ZBTB20: variants seen among roughly 807,000 people sequenced by gnomAD.
ZBTB20 encodes zinc finger and BTB domain containing 20.
A neutral mutation model predicts 56.9 loss-of-function variants in ZBTB20; 9 were observed. The ratio of observed to expected loss-of-function variants is 0.16; its 90% CI spans 0.10 to 0.28. The LOEUF is 0.28. Among genes scored for constraint, ZBTB20 ranks in the 10% least tolerant of loss-of-function variants. The pLI is 1.00. For missense variants in ZBTB20, 655 were observed against 1,003.0 expected, an observed-to-expected ratio of 0.65 and a Z score of 4.69; for synonymous variants, 417 against 420.7, an observed-to-expected ratio of 0.99 and a Z score of 0.11.
intron 2 of ZBTB20, among the ~76,000 whole-genome samples, chr3:115,032,343 G>A (rs1025871338): frequency 6.6e-6 from 1 of 151,326 alleles, no homozygotes; most frequent in Non-Finnish European, 1.5e-5. Context: ...CCTGAGTAAT[G>A]AGGAAAGAGA....
intron 2 of ZBTB20, among the ~76,000 whole-genome samples, chr3:115,069,931 C>T (rs1223907983): frequency 2.0e-5 from 3 of 151,600 alleles, no homozygotes; most frequent in Admixed American, 6.6e-5. Context: ...CAGAAAGAAA[C>T]TGAATAAATT....
chr3:114,338,897 T>C lies in ZBTB20; in HGVS notation c.*108A>G. On this transcript the variant is annotated 3_prime_UTR_variant, in exon 12 of 12. Coordinates refer to ENST00000675478, the MANE Select transcript of ZBTB20 (RefSeq NM_001348800.3). ...ACGAAACAAAAACAAAAACAGAAAG[T>C]AAAAATGAAACCAAAACATTTCTTA... 1.5e-6 allele frequency: 2 copies of C among 1,337,882 alleles called. No individual in the cohort carries two copies. The highest frequency in any genetic ancestry group is 1.0e-6 in the Non-Finnish European group (1 of 1,001,208). The allele number at this position is 1,337,882 out of a possible 1,614,324, so 82.9% of individuals were successfully genotyped here.
intron 11 of ZBTB20, among the ~76,000 whole-genome samples, chr3:114,341,724 C>G (rs992327470): frequency 5.3e-5 from 8 of 151,930 alleles, no homozygotes; most frequent in African/African-American, 1.9e-4. Context: ...TCCATGTGAC[C>G]CTGGGCTTTT....
At chr3:114,454,091 AGAGAGAGG>A (rs2091823648) in intron 7 of ZBTB20, among the ~76,000 whole-genome samples, 1 of 150,622 alleles carries the variant, frequency 6.6e-6, no homozygotes, top group Admixed American at 6.6e-5. Context: ...GAAAAAAAGA[AGAGAGAGG>A]GAGAGGGAGA....
At chr3:114,997,253 A>G (rs2079065318) in intron 2 of ZBTB20, among the ~76,000 whole-genome samples, 1 of 151,972 alleles carries the variant, frequency 6.6e-6, no homozygotes, top group East Asian at 2.0e-4. Flanking sequence ...AAGAGCATGG[A>G]TCTCCAGGAA....
intron 1 of ZBTB20, among the ~76,000 whole-genome samples, chr3:115,091,123 GA>G (rs2083178165): frequency 6.6e-6 from 1 of 151,334 alleles, no homozygotes; most frequent in African/African-American, 2.4e-5. Context: ...ACAAAAAAGT[GA>G]AAAACAAATA....
chr3:114,694,472 T>G (rs1362898783), intron 5 of ZBTB20, among the ~76,000 whole-genome samples: 1 of 152,034 alleles, frequency 6.6e-6, no homozygotes, highest in Non-Finnish European at 1.5e-5. Flanking sequence ...CATGATTACT[T>G]TAAGCCAAAA....
chr3:115,053,252 C>T (rs2081621201), intron 2 of ZBTB20, among the ~76,000 whole-genome samples: 1 of 152,198 alleles, frequency 6.6e-6, no homozygotes, highest in Admixed American at 6.5e-5. Flanking sequence ...CCCTATAAAT[C>T]CAACAGAGCT....
intron 11 of ZBTB20, among the ~76,000 whole-genome samples, chr3:114,345,498 C>A (rs937766986): frequency 4.6e-5 from 7 of 152,112 alleles, no homozygotes; most frequent in Non-Finnish European, 8.8e-5. Flanking sequence ...AAGCTTTGAT[C>A]CATAATTTTG....
chr3:115,131,017 T>C (rs2084489850), intron 1 of ZBTB20, among the ~76,000 whole-genome samples: 1 of 152,186 alleles, frequency 6.6e-6, no homozygotes, highest in Non-Finnish European at 1.5e-5. Flanking sequence ...TGCCTCGGCC[T>C]CCCAAAGTTC....
chr3:114,716,398 A>G (rs1412581022), intron 5 of ZBTB20, among the ~76,000 whole-genome samples: 1 of 152,148 alleles, frequency 6.6e-6, no homozygotes, highest in Non-Finnish European at 1.5e-5. Context: ...ACACTATCAT[A>G]TTTCTTCTTG....
intron 5 of ZBTB20, among the ~76,000 whole-genome samples, chr3:114,735,810 A>G (rs1443031660): frequency 1.3e-5 from 2 of 152,260 alleles, no homozygotes; most frequent in South Asian, 2.1e-4. Context: ...TTTTCTTAAT[A>G]TTAACCAACA....
Position 114,688,389 on chromosome 3 carries a change from T to TG in ZBTB20, c.-295+5138dup, listed in dbSNP as rs1491449655. ...TATCCTCTGAATCTAAAATAAAAGT[T>TG]GAAAAAAAAAAAAAAGAAATTTGTA... On this transcript the variant is annotated intron_variant, in intron 6 of 11. Coordinates refer to ENST00000675478, the MANE Select transcript of ZBTB20 (RefSeq NM_001348800.3). 4 of 80,200 alleles carry TG rather than the reference T, an allele frequency of 5.0e-5. No homozygotes were observed. The East Asian group carries it at 2.1e-3, about 42-fold the overall frequency. The allele number at this position is 80,200 out of a possible 1,614,324, so 5.0% of individuals were successfully genotyped here. A position where few individuals can be genotyped will look rare whatever the true frequency, so the allele number is the denominator to read the frequency against.
At chr3:115,092,845 C>T (rs1319663130) in intron 1 of ZBTB20, among the ~76,000 whole-genome samples, 1 of 152,068 alleles carries the variant, frequency 6.6e-6, no homozygotes, top group Non-Finnish European at 1.5e-5. Context: ...TGTAGTTAAG[C>T]TAAGAAAAAT....
chr3:114,981,769 A>G (rs908416900), intron 2 of ZBTB20, among the ~76,000 whole-genome samples: 2 of 152,024 alleles, frequency 1.3e-5, no homozygotes, highest in Admixed American at 1.3e-4. Flanking sequence ...ACCAGGATTT[A>G]TGCCCCCGTC....
intron 1 of ZBTB20, among the ~76,000 whole-genome samples, chr3:115,122,237 T>TG (rs1337554266): frequency 1.3e-5 from 2 of 152,034 alleles, no homozygotes; most frequent in Non-Finnish European, 2.9e-5. Flanking sequence ...GAATTTCTAA[T>TG]GGGGGAAGAG....
intron 5 of ZBTB20, among the ~76,000 whole-genome samples, chr3:114,695,140 G>GA (rs1018047477): frequency 1.3e-5 from 2 of 151,934 alleles, no homozygotes; most frequent in African/African-American, 2.4e-5. Context: ...CACATTAAAA[G>GA]AAAAAATCTA....
Position 115,072,123 on chromosome 3 carries a change from A to T in ZBTB20, c.-702-709T>A, listed in dbSNP as rs188581657. Among the ~76,000 whole-genome samples the T allele has an allele frequency of 4.6e-4, 70 of 152,244 alleles. 1 individual carries two copies. In the East Asian group the frequency reaches 7.7e-3, roughly 17 times the overall value. Reference sequence around the variant, plus strand: ...ATCTCTGCAATTCACCCACATTTAAACATTCTTGCGAGTAAAAGAAATTTG... The same window carrying T: ...ATCTCTGCAATTCACCCACATTTAATCATTCTTGCGAGTAAAAGAAATTTG... On this transcript the variant is annotated intron_variant, in intron 1 of 11. Coordinates refer to ENST00000675478, the MANE Select transcript of ZBTB20 (RefSeq NM_001348800.3).
rs1173003242 is a variant in ZBTB20 at position 114,947,941 on chromosome 3, T to C, written c.-456+26425A>G. ...CTTCCAAGGGTAGAAATAGAGGGAATACATCCGAACTCATTTTATGAGAAT... is the reference window on the plus strand; with the variant it reads ...CTTCCAAGGGTAGAAATAGAGGGAACACATCCGAACTCATTTTATGAGAAT... On this transcript the variant is annotated intron_variant, in intron 3 of 11. Coordinates refer to ENST00000675478, the MANE Select transcript of ZBTB20 (RefSeq NM_001348800.3). 1.4e-5 allele frequency among the ~76,000 whole-genome samples: 2 copies of C among 145,212 alleles called. 1 individual carries two copies. The highest frequency in any genetic ancestry group is 5.6e-5 in the African/African-American group (2 of 35,424).
Sources: gnomAD v4.1 joint callset for allele counts (sites outside exome capture counted in the v4.1 genomes callset) on GRCh38, gnomAD v4.1.1 for gene constraint, MANE v1.5 for transcripts, NCBI Gene and HGNC (gene_info 2026-07-23, HGNC 2026-07-21) for gene names.